Variants in ACAN observed in about 807,000 individuals in gnomAD.
ACAN encodes the protein aggrecan core protein.
Under a neutral mutation model 169.1 loss-of-function variants are expected in ACAN, and 47 were observed. That is an observed-to-expected ratio of 0.28 (90% CI 0.22 to 0.35). The LOEUF (loss-of-function observed/expected upper bound fraction) is 0.35, where lower values mean the gene tolerates loss of function less well. Ranked by LOEUF, ACAN falls within the 10% of genes least tolerant of loss-of-function variation. The pLI is 1.00. For missense variants in ACAN, 2,716 were observed against 2,759.9 expected (o/e 0.98, Z 0.36); for synonymous variants, 1,115 against 1,112.2 (o/e 1.00, Z -0.05).
Position 88,838,892 on chromosome 15 carries a change from T to C in ACAN, c.300T>C (p.Tyr100=), listed in dbSNP as rs374544549. The change falls in exon 3 of 19, where the codon TAT becomes TAC. Residue 100 remains tyrosine (Y), a synonymous_variant. Transcript: ENST00000560601. The surrounding 1 kb of genome is among the most constrained non-coding windows in gnomAD (Gnocchi z 5.1). ...TEGRVRVNSA[Y]QDKVSLPNYP... ...GGCGCGTGCGGGTCAACAGTGCCTA[T>C]CAGGACAAGGTCTCACTGCCCAACT... The C allele has an allele frequency of 2.5e-6, 4 of 1,613,900 alleles. No individual in the cohort carries two copies. The highest frequency in any genetic ancestry group is 3.4e-6 in the Non-Finnish European group (4 of 1,179,902).
rs944054416 is a variant in ACAN at position 88,838,880 on chromosome 15, C to G, written c.288C>G (p.Val96=). ...TGGCCACTGAAGGGCGCGTGCGGGT[C>G]AACAGTGCCTATCAGGACAAGGTCT... ...LLVATEGRVR[V]NSAYQDKVSL... The change falls in exon 3 of 19, where the codon GTC becomes GTG. Residue 96 remains valine (V), a synonymous_variant. Coordinates refer to ENST00000560601, the MANE Select transcript of ACAN (RefSeq NM_001369268.1). This position sits in a 1 kb window ranked among gnomAD's most constrained non-coding sequence, Gnocchi z 5.1. The G allele has an allele frequency of 6.2e-7, 1 of 1,614,034 alleles. No homozygotes were observed. The highest frequency in any genetic ancestry group is 8.5e-7 in the Non-Finnish European group (1 of 1,179,892).
chr15:88,837,556 A>G (rs1896535472), intron 2 of ACAN, among the ~76,000 whole-genome samples: 2 of 152,140 alleles, frequency 1.3e-5, no homozygotes, highest in Admixed American at 1.3e-4. Context: ...CAGGGAAACC[A>G]GTTCATTAGG....
intron 1 of ACAN, among the ~76,000 whole-genome samples, chr15:88,834,015 C>T (rs1244267262): frequency 6.6e-6 from 1 of 152,186 alleles, no homozygotes; most frequent in East Asian, 1.9e-4. Context: ...GTGGAGAAGA[C>T]ACTTTGCCCT....
At chr15:88,841,659 C>T (rs373548294) in intron 4 of ACAN, 81 bp from the exon 5 acceptor site, 62 of 1,542,654 alleles carry the variant, frequency 4.0e-5, no homozygotes, top group Non-Finnish European at 4.4e-5. Context: ...TTTCCTCCCA[C>T]GGGAGGAGGA....
rs1452165484 is a variant in ACAN at position 88,866,111 on chromosome 15, A to G, written c.6947-2105A>G. On this transcript the variant is annotated intron_variant, in intron 13 of 18. Coordinates refer to ENST00000560601, the MANE Select transcript of ACAN (RefSeq NM_001369268.1). This position sits in a 1 kb window ranked among gnomAD's most constrained non-coding sequence, Gnocchi z 5.6. ...CAGAAAGAAAGCAACGCTCCCCCTC[A>G]CCCCAACTTGGGCAGCCTGGGAGCA... Among the ~76,000 whole-genome samples the G allele has an allele frequency of 6.6e-6, 1 of 151,550 alleles. No homozygotes were observed. The highest frequency in any genetic ancestry group is 1.5e-5 in the Non-Finnish European group (1 of 67,910).
intron 1 of ACAN, among the ~76,000 whole-genome samples, chr15:88,811,639 A>T (rs1294037178): frequency 2.0e-5 from 3 of 152,052 alleles, no homozygotes; most frequent in East Asian, 1.9e-4. Context: ...CTGCCTCTCC[A>T]CTTGTTCCCT....
rs1323414379 is a variant in ACAN, at chr15:88,814,645, G to A, written c.-8+10836G>A. ...TTCCATTGTGGTCCATGGGAATAGC[G>A]ACTCCTCGAGTTGTGCCAGTGTGCA... On this transcript the variant is annotated intron_variant, in intron 1 of 18. Transcript: ENST00000560601. The surrounding 1 kb of genome is among the most constrained non-coding windows in gnomAD (Gnocchi z 4.0). Among the ~76,000 whole-genome samples, 2 of 152,188 alleles carry A rather than the reference G, an allele frequency of 1.3e-5. No individual in the cohort carries two copies. Among genetic ancestry groups the A allele is most frequent in the East Asian group, 1.9e-4 (1 of 5,186 alleles).
At chr15:88,821,280 C>T (rs1467880142) in intron 1 of ACAN, among the ~76,000 whole-genome samples, 2 of 152,132 alleles carry the variant, frequency 1.3e-5, no homozygotes, top group Admixed American at 1.3e-4. Flanking sequence ...GCTGGAACCA[C>T]AGTTGCATAC....
Position 88,855,505 on chromosome 15 carries a change from A to G in ACAN, c.2920A>G (p.Ser974Gly). The G allele has an allele frequency of 6.2e-7, 1 of 1,613,596 alleles. No individual in the cohort carries two copies. The highest frequency in any genetic ancestry group is 1.1e-5 in the South Asian group (1 of 91,024). The change falls in exon 12 of 19, where the codon AGT (serine) becomes GGT (glycine). Residue 974 changes from serine (S) to glycine (G), a missense_variant. By Grantham distance (56) the Ser-to-Gly change is moderately conservative (BLOSUM62 0). Coordinates refer to ENST00000560601, the MANE Select transcript of ACAN (RefSeq NM_001369268.1). ...ETSASGVGDL[S>G]GLPSGEVLET... ...CTCTGCCTCTGGAGTAGGAGACCTC[A>G]GTGGGCTTCCTTCTGGAGAAGTTCT...
Position 88,859,205 on chromosome 15 carries a change from C to G in ACAN, c.6620C>G (p.Ser2207Trp). Reference protein sequence around the residue: ...EISGDLSGHTSQLGVVISTSI... With the variant: ...EISGDLSGHTWQLGVVISTSI... ...AGCGGAGACCTGTCTGGTCACACCTCGCAGCTGGGCGTTGTCATCAGCACC... is the reference window on the plus strand; with the variant it reads ...AGCGGAGACCTGTCTGGTCACACCTGGCAGCTGGGCGTTGTCATCAGCACC... Residue 2207 changes from serine (S) to tryptophan (W), a missense_variant, in exon 12 of 19, where the codon TCG becomes TGG. Physicochemically the swap from Ser to Trp is radical, Grantham distance 177. This residue lies in a region of ACAN where 1,389 missense variants were observed against 1,363.7 expected (regional missense o/e 1.02). Transcript: ENST00000560601. 6.2e-7 allele frequency: 1 copy of G among 1,613,868 alleles called. No homozygotes were observed. The highest frequency in any genetic ancestry group is 8.5e-7 in the Non-Finnish European group (1 of 1,179,882).
intron 1 of ACAN, among the ~76,000 whole-genome samples, chr15:88,806,762 G>C (rs534183197): frequency 6.6e-6 from 1 of 152,258 alleles, no homozygotes; most frequent in East Asian, 1.9e-4. Context: ...ACCCTGCCTA[G>C]AGTCCCACTT....
At chr15:88,842,552 C>G (rs1031385446) in intron 5 of ACAN, among the ~76,000 whole-genome samples, 1 of 150,608 alleles carries the variant, frequency 6.6e-6, no homozygotes, top group Non-Finnish European at 1.5e-5. Flanking sequence ...CACAGCTCCT[C>G]CAGGCTGGGG....
Position 88,840,035 on chromosome 15 carries a change from A to G in ACAN, c.478A>G (p.Ile160Val). ...AGGCATCGTGTTCCATTACAGAGCC[A>G]TCTCTACACGCTACACCCTCGACTT... Reference protein sequence around the residue: ...VKGIVFHYRAISTRYTLDFDR... With the variant: ...VKGIVFHYRAVSTRYTLDFDR... The change falls in exon 4 of 19, where the codon ATC (isoleucine) becomes GTC (valine). Residue 160 changes from isoleucine to valine, a missense_variant. Transcript: ENST00000560601. The G allele has an allele frequency of 6.2e-7, 1 of 1,602,058 alleles. No individual in the cohort carries two copies. Among genetic ancestry groups the G allele is most frequent in the Non-Finnish European group, 8.5e-7 (1 of 1,173,924 alleles).
chr15:88,805,616 G>A (rs951045403), intron 1 of ACAN, among the ~76,000 whole-genome samples: 30 of 152,198 alleles, frequency 2.0e-4, no homozygotes, highest in Admixed American at 1.5e-3. Context: ...CTGGCCCACA[G>A]CGGGTACTCA....
At chr15:88,846,774 C>T (rs551775551) in intron 7 of ACAN, among the ~76,000 whole-genome samples, 2 of 152,298 alleles carry the variant, frequency 1.3e-5, no homozygotes, top group South Asian at 4.1e-4. Flanking sequence ...TGAGACTCTG[C>T]AGATTTTGGT....
Position 88,855,222 on chromosome 15 carries a change from C to A in ACAN, c.2637C>A (p.His879Gln), listed in dbSNP as rs1042695385. 1.9e-6 allele frequency: 3 copies of A among 1,604,370 alleles called. No individual in the cohort carries two copies. The Middle Eastern group carries it at 5.0e-4, about 266-fold the overall frequency. Residue 879 changes from histidine (H) to glutamine (Q), a missense_variant, in exon 12 of 19, where the codon CAC becomes CAA. His to Gln is a conservative substitution (Grantham distance 24). Around this residue, in one of 3 missense-constraint regions of ACAN, gnomAD observed 1,283 missense variants for 1,281.5 expected, o/e 1.00. Coordinates refer to ENST00000560601, the MANE Select transcript of ACAN (RefSeq NM_001369268.1). ...CAGGCAGTGGAGATGTTTCAGGACA[C>A]CTTGACTTCAGTGGGCAGCTGTCAG... ...DFTGSGDVSG[H>Q]LDFSGQLSGD...
intron 11 of ACAN, among the ~76,000 whole-genome samples, 183 bp downstream of exon 11, chr15:88,852,216 CCA>C (rs1336701079): frequency 6.6e-6 from 1 of 152,168 alleles, no homozygotes; most frequent in Non-Finnish European, 1.5e-5. Flanking sequence ...AGGACCTGCC[CCA>C]GAGTGACAAA....
At chr15:88,826,907 A>AT (rs1457786148) in intron 1 of ACAN, among the ~76,000 whole-genome samples, 1 of 152,210 alleles carries the variant, frequency 6.6e-6, no homozygotes, top group Non-Finnish European at 1.5e-5. Flanking sequence ...AAACCATAGC[A>AT]TTGTAGCCAC....
rs566732234 is a variant in ACAN at position 88,868,555 on chromosome 15, T to G, written c.7060+226T>G. On this transcript the variant is annotated intron_variant, in intron 14 of 18. Coordinates refer to ENST00000560601, the MANE Select transcript of ACAN (RefSeq NM_001369268.1). The surrounding 1 kb of genome is among the most constrained non-coding windows in gnomAD (Gnocchi z 5.2). ...TTCTGGAGCACTGGCTGATCTGACT[T>G]TCTCCAGGGCTTCCAGATCTACTGA... 3.9e-5 allele frequency among the ~76,000 whole-genome samples: 6 copies of G among 152,194 alleles called. No homozygotes were observed. Among genetic ancestry groups the G allele is most frequent in the Non-Finnish European group, 8.8e-5 (6 of 68,024 alleles).
Sources: allele counts gnomAD v4.1 joint callset (sites outside exome capture counted in the v4.1 genomes callset), GRCh38; gene constraint gnomAD v4.1.1; regional missense constraint gnomAD v4.1.1; non-coding constraint Gnocchi (gnomAD v3.1); transcripts MANE v1.5; gene names NCBI Gene and HGNC (gene_info 2026-07-23, HGNC 2026-07-21).